The following RXFP1 variants were observed in gnomAD, a reference collection of about 807,000 sequenced individuals.
RXFP1 encodes the protein relaxin family peptide receptor 1, also known as relaxin receptor 1.
Under a neutral mutation model 89.8 loss-of-function variants are expected in RXFP1, and 73 were observed. That is an observed-to-expected ratio of 0.81 (90% confidence interval 0.67 to 0.99). The LOEUF is 0.99. Ranked by LOEUF, RXFP1 falls within the 50% of genes least tolerant of loss-of-function variation. RXFP1 has a pLI of 0.00. For synonymous variants in RXFP1, 277 were observed against 305.5 expected, an observed-to-expected ratio of 0.91 and a Z score of 0.97; for missense variants, 793 against 895.5, an observed-to-expected ratio of 0.89 and a Z score of 1.46.
At chr4:158,631,819 G>A (rs545413152) in intron 11 of RXFP1, among the ~76,000 whole-genome samples, 1 of 152,276 alleles carries the variant, frequency 6.6e-6, no homozygotes, top group East Asian at 1.9e-4. Flanking sequence ...ATGGCCAGGC[G>A]CAGTGGCTCA....
intron 6 of RXFP1, among the ~76,000 whole-genome samples, chr4:158,611,234 A>C (rs1763518884): frequency 6.6e-6 from 1 of 152,204 alleles, no homozygotes; most frequent in African/African-American, 2.4e-5. Flanking sequence ...TAATAAGTAG[A>C]GGAGTCAGGA....
intron 12 of RXFP1, among the ~76,000 whole-genome samples, chr4:158,636,835 T>C (rs1295290130): frequency 6.6e-6 from 1 of 152,238 alleles, no homozygotes; most frequent in East Asian, 1.9e-4. Context: ...TGTTACACAA[T>C]AGATGTCTTG....
In RXFP1 at chr4:158,612,170, G is replaced by A. The variant is rs1763701729; in HGVS notation, c.577G>A (p.Val193Ile). ...CAGAATAACCTTCCTGAAGCCGGGT[G>A]TTTTTGAAGATCTTCACAGACTAGA... ...HNRITFLKPG[V>I]FEDLHRLEWL... Residue 193 changes from valine to isoleucine, a missense_variant, in exon 7 of 18, where the codon GTT becomes ATT. Physicochemically the swap from Val to Ile is conservative, Grantham distance 29. Transcript: ENST00000307765. 1 of 1,611,534 alleles carries A rather than the reference G, an allele frequency of 6.2e-7. No homozygotes were observed. The highest frequency in any genetic ancestry group is 8.5e-7 in the Non-Finnish European group (1 of 1,179,232).
chr4:158,636,938 C>G (rs1367044435), intron 12 of RXFP1, among the ~76,000 whole-genome samples: 5 of 152,162 alleles, frequency 3.3e-5, no homozygotes, highest in Non-Finnish European at 7.4e-5. Flanking sequence ...ACCTTCTACT[C>G]TCTACTTCCA....
intron 2 of RXFP1, among the ~76,000 whole-genome samples, chr4:158,575,124 A>G (rs1482312596): frequency 6.6e-6 from 1 of 152,188 alleles, no homozygotes; most frequent in African/African-American, 2.4e-5. Context: ...CTCAGTGGAA[A>G]AAAAGCTTGG....
At chr4:158,558,605 G>A (rs1751813692) in intron 1 of RXFP1, among the ~76,000 whole-genome samples, 1 of 152,146 alleles carries the variant, frequency 6.6e-6, no homozygotes, top group East Asian at 1.9e-4. Context: ...ATAGTCTTAA[G>A]CAAGGTATAT....
chr4:158,629,237 G>C (rs1767553519), intron 11 of RXFP1, among the ~76,000 whole-genome samples: 1 of 151,980 alleles, frequency 6.6e-6, no homozygotes, highest in African/African-American at 2.4e-5. Context: ...TTGTAGTAAA[G>C]ATGGGGTTTC....
chr4:158,609,859 G>A (rs1156575006), intron 6 of RXFP1, among the ~76,000 whole-genome samples: 1 of 152,170 alleles, frequency 6.6e-6, no homozygotes, highest in East Asian at 1.9e-4. Context: ...TTGGTTTAAT[G>A]TTCAGTGAAT....
Position 158,639,319 on chromosome 4 carries a change from ATC to A in RXFP1, c.1110_1111del (p.Tyr373PhefsTer2). The A allele has an allele frequency of 6.5e-7, 1 of 1,530,052 alleles. No individual in the cohort carries two copies. The highest frequency in any genetic ancestry group is 9.1e-7 in the Non-Finnish European group (1 of 1,103,564). 94.8% of individuals were successfully genotyped at this position (1,530,052 alleles called of 1,614,324 possible). On this transcript the variant is annotated frameshift_variant, in exon 14 of 18. Transcript: ENST00000307765. LOFTEE classifies it high-confidence loss of function. ...CAAAGGATGTTTAGACCTCTTATGA[ATC>A]TCTCTCACATGTAAGTAGATATTTT...
intron 2 of RXFP1, among the ~76,000 whole-genome samples, chr4:158,591,113 C>A (rs1176333611): frequency 1.3e-5 from 2 of 152,082 alleles, no homozygotes; most frequent in African/African-American, 4.8e-5. Context: ...AGAAGCTTAT[C>A]TATAACAAGA....
At chr4:158,561,970 C>T (rs1752545293) in intron 1 of RXFP1, among the ~76,000 whole-genome samples, 1 of 152,022 alleles carries the variant, frequency 6.6e-6, no homozygotes, top group African/African-American at 2.4e-5. Flanking sequence ...TTTAGAAAAT[C>T]CAATAAAACG....
intron 1 of RXFP1, among the ~76,000 whole-genome samples, chr4:158,530,682 T>A (rs1463215918): frequency 2.0e-5 from 3 of 152,194 alleles, no homozygotes; most frequent in Non-Finnish European, 4.4e-5. Context: ...TCAAGAGAGG[T>A]GGCCAGTTTA....
At position 158,533,879 on chromosome 4, in the gene RXFP1, A is replaced by G. The variant is rs73860513; in HGVS notation, c.49+11854A>G. On this transcript the variant is annotated intron_variant, in intron 1 of 17. Coordinates refer to ENST00000307765, the MANE Select transcript of RXFP1 (RefSeq NM_021634.4). The stretch of plus-strand genomic sequence containing the variant: ...ATATGCTTTTTTTCCTATTGCTTTA[A>G]TCAACACTAATCACAATATTATAGA... Among the ~76,000 whole-genome samples, 518 of 152,142 alleles carry G rather than the reference A, an allele frequency of 3.4e-3. 1 individual carries two copies. Among genetic ancestry groups the G allele is most frequent in the African/African-American group, 0.012 (491 of 41,504 alleles).
intron 1 of RXFP1, among the ~76,000 whole-genome samples, chr4:158,570,442 G>C (rs950354380): frequency 2.0e-5 from 3 of 152,116 alleles, no homozygotes; most frequent in Admixed American, 2.0e-4. Context: ...CTTTATTCTT[G>C]CACCCTACCT....
chr4:158,640,638 G>T lies in RXFP1; in HGVS notation c.1115+1307G>T, dbSNP rs553000215. 2.0e-5 allele frequency among the ~76,000 whole-genome samples: 3 copies of T among 152,244 alleles called. No individual in the cohort carries two copies. The East Asian group carries it at 5.8e-4, about 29-fold the overall frequency. ...ACCATTCATGAGGGATCTACCCCAT[G>T]ACCCAAACACCTCCTACTGGGCCCC... On this transcript the variant is annotated intron_variant, in intron 14 of 17. Transcript: ENST00000307765.
rs746152132 is a variant in RXFP1, at chr4:158,522,004, A to T, written c.28A>T (p.Ile10Phe). 6 of 1,607,872 alleles carry T rather than the reference A, an allele frequency of 3.7e-6. No homozygotes were observed. The African/African-American group carries it at 5.3e-5, about 14-fold the overall frequency. MTSGSVFFYILIFGKYFSHG... is the reference protein window; with the variant it reads MTSGSVFFYFLIFGKYFSHG... The stretch of plus-strand genomic sequence containing the variant: ...GACATCTGGTTCTGTCTTCTTCTAC[A>T]TCTTAATTTTTGGAAAATATTGTAA... The change falls in exon 1 of 18, where the codon ATC becomes TTC. Residue 10 changes from isoleucine to phenylalanine, a missense_variant. Coordinates refer to ENST00000307765, the MANE Select transcript of RXFP1 (RefSeq NM_021634.4).
At chr4:158,566,805 G>A (rs772667480) in intron 1 of RXFP1, among the ~76,000 whole-genome samples, 11 of 152,248 alleles carry the variant, frequency 7.2e-5, no homozygotes, top group Non-Finnish European at 1.5e-4. Flanking sequence ...GCCCTCGCTC[G>A]CTCTCGGCAC....
chr4:158,603,925 TAATAC>T (rs1435596008), intron 4 of RXFP1, among the ~76,000 whole-genome samples: 9 of 142,542 alleles, frequency 6.3e-5, no homozygotes, highest in African/African-American at 2.1e-4. Context: ...ATAATAATAA[TAATAC>T]AGATATACTA....
intron 5 of RXFP1, among the ~76,000 whole-genome samples, chr4:158,606,269 A>G (rs1050284568): frequency 2.0e-5 from 3 of 152,234 alleles, no homozygotes; most frequent in Non-Finnish European, 4.4e-5. Context: ...AGGTTTATAT[A>G]ATGCAGTGGC....
Sources: allele counts gnomAD v4.1 joint callset (sites outside exome capture counted in the v4.1 genomes callset), GRCh38; gene constraint gnomAD v4.1.1; transcripts MANE v1.5; gene names NCBI Gene and HGNC (gene_info 2026-07-23, HGNC 2026-07-21).